Variants in ZNF536 observed in about 807,000 individuals in gnomAD.
ZNF536 encodes zinc finger protein 536.
Under a neutral mutation model 84.5 loss-of-function variants are expected in ZNF536, and 13 were observed. The observed-to-expected ratio is 0.15, with a 90% CI of 0.10 to 0.24. The LOEUF (loss-of-function observed/expected upper bound fraction) is 0.24, where lower values mean the gene tolerates loss of function less well. Ranked by LOEUF, ZNF536 falls within the 10% of genes least tolerant of loss-of-function variation. The probability of loss-of-function intolerance (pLI) is 1.00; values close to 1 mark genes in which losing one functional copy is unlikely to be tolerated. For synonymous variants in ZNF536, 811 were observed against 742.5 expected (o/e 1.09, Z -1.50); for missense variants, 1,536 against 1,747.5 (o/e 0.88, Z 2.16).
intron 2 of ZNF536, among the ~76,000 whole-genome samples, chr19:30,525,161 G>T (rs1337609957): frequency 6.6e-6 from 1 of 152,104 alleles, no homozygotes; most frequent in Non-Finnish European, 1.5e-5. Flanking sequence ...TGTGTTTGTG[G>T]TTCCTTCCAC....
intron 1 of ZNF536, among the ~76,000 whole-genome samples, chr19:30,238,616 C>T (rs566246480): frequency 6.6e-6 from 1 of 151,932 alleles, no homozygotes; most frequent in Admixed American, 6.6e-5. Context: ...CCGTCTTTTC[C>T]TCCCTCCCTC....
At chr19:30,378,436 C>T (rs549735091) in intron 1 of ZNF536, among the ~76,000 whole-genome samples, 10 of 152,304 alleles carry the variant, frequency 6.6e-5, no homozygotes, top group Admixed American at 1.3e-4. Flanking sequence ...AATGGGATTA[C>T]GGATGTGAGC....
At chr19:30,524,880 T>A (rs1177447062) in intron 2 of ZNF536, among the ~76,000 whole-genome samples, 2 of 151,948 alleles carry the variant, frequency 1.3e-5, no homozygotes, top group Non-Finnish European at 2.9e-5. Context: ...AAGAAAGGAG[T>A]ACTTAATTTA....
rs113799478 is a variant in ZNF536, at chr19:30,588,806, T to C, written c.169+39292T>C. On this transcript the variant is annotated intron_variant, in intron 1 of 1. Coordinates refer to the ZNF536 transcript ENST00000592773. ...TGTTGAGTACTCCTGGGCTTCCGTT[T>C]ATGGTTCAGTTATAGAGCTTCCTTT... Among the ~76,000 whole-genome samples the C allele has an allele frequency of 2.4e-3, 369 of 152,354 alleles. 2 individuals carry two copies. Among genetic ancestry groups the C allele is most frequent in the African/African-American group, 8.2e-3 (341 of 41,578 alleles).
Position 30,346,808 on chromosome 19 carries a change from G to A in ZNF536, c.-119-5560G>A, listed in dbSNP as rs552632583. On this transcript the variant is annotated intron_variant, in intron 2 of 5. Coordinates refer to the ZNF536 transcript ENST00000585628. The stretch of plus-strand genomic sequence containing the variant: ...GTAAATAATGCTGCAATGAACATAC[G>A]CATACATGTCTCTCTTTATAACAGA... Among the ~76,000 whole-genome samples, 17 of 152,256 alleles carry A rather than the reference G, an allele frequency of 1.1e-4. No individual in the cohort carries two copies. The South Asian group carries it at 3.1e-3, about 28-fold the overall frequency.
At chr19:30,541,234 G>A (rs1362024504) in intron 3 of ZNF536, among the ~76,000 whole-genome samples, 1 of 152,140 alleles carries the variant, frequency 6.6e-6, no homozygotes, top group Non-Finnish European at 1.5e-5. Flanking sequence ...ATGCTTCTAT[G>A]TAAGGTATCT....
At chr19:30,302,467 T>C (rs2046216866) in intron 2 of ZNF536, among the ~76,000 whole-genome samples, 2 of 152,124 alleles carry the variant, frequency 1.3e-5, no homozygotes, top group African/African-American at 2.4e-5. Context: ...CAGAATCCTA[T>C]AGGATTTGCA....
intron 4 of ZNF536, among the ~76,000 whole-genome samples, chr19:30,553,513 CTG>C (rs755104562): frequency 6.6e-6 from 1 of 152,218 alleles, no homozygotes; most frequent in Non-Finnish European, 1.5e-5. Context: ...AGGCTTTGCA[CTG>C]TGTCCTTTGG....
chr19:30,435,915 T>C (rs1452520855), intron 1 of ZNF536, among the ~76,000 whole-genome samples: 1 of 152,230 alleles, frequency 6.6e-6, no homozygotes, highest in Non-Finnish European at 1.5e-5. Context: ...TGGAAGCTCT[T>C]TGCCTTTGAG....
Position 30,438,188 on chromosome 19 carries a change from C to T in ZNF536, c.-2-5373C>T, listed in dbSNP as rs557700480. 1.3e-3 allele frequency among the ~76,000 whole-genome samples: 194 copies of T among 152,186 alleles called. 1 individual carries two copies. Among genetic ancestry groups the T allele is most frequent in the Non-Finnish European group, 1.8e-3 (124 of 68,020 alleles). On this transcript the variant is annotated intron_variant, in intron 1 of 4. Coordinates refer to ENST00000355537, the MANE Select transcript of ZNF536 (RefSeq NM_014717.3). ...CTGGGGATTGGGCTTATAGTGCACC[C>T]ATCAACCAAATAGCAAACATTGTAC...
intron 3 of ZNF536, among the ~76,000 whole-genome samples, chr19:30,539,096 A>G (rs2045214217): frequency 6.6e-6 from 1 of 151,120 alleles, no homozygotes; most frequent in African/African-American, 2.4e-5. Context: ...AGAAAAGAAA[A>G]AGAAAAGAAA....
chr19:30,565,230 G>A (rs1227924656), intron 1 of ZNF536, among the ~76,000 whole-genome samples: 3 of 150,738 alleles, frequency 2.0e-5, no homozygotes, highest in African/African-American at 7.3e-5. Flanking sequence ...CAGTTAGGAA[G>A]CCAAATCTGG....
At chr19:30,575,129 C>G (rs1421496204) in intron 1 of ZNF536, among the ~76,000 whole-genome samples, 1 of 150,986 alleles carries the variant, frequency 6.6e-6, no homozygotes, top group Non-Finnish European at 1.5e-5. Context: ...TTTATCCATT[C>G]ATTCATTCAT....
chr19:30,688,016 C>CT (rs1271875923), intron 1 of ZNF536, among the ~76,000 whole-genome samples: 1 of 17,284 alleles, frequency 5.8e-5, no homozygotes, highest in Non-Finnish European at 1.0e-4. Flanking sequence ...TTTATGACTG[C>CT]TAAAAAAAAA....
At chr19:30,468,055 G>A (rs945410989) in intron 2 of ZNF536, among the ~76,000 whole-genome samples, 1 of 152,328 alleles carries the variant, frequency 6.6e-6, no homozygotes, top group African/African-American at 2.4e-5. Flanking sequence ...AGGCACCAGC[G>A]CCCCGTGAAA....
intron 1 of ZNF536, among the ~76,000 whole-genome samples, chr19:30,590,525 C>A (rs1405267169): frequency 1.3e-5 from 2 of 152,126 alleles, no homozygotes; most frequent in Admixed American, 1.3e-4. Context: ...TGTGTTTCAC[C>A]CTGTCTCTGT....
intron 1 of ZNF536, among the ~76,000 whole-genome samples, chr19:30,708,320 T>C (rs2052330839): frequency 2.0e-5 from 3 of 152,356 alleles, no homozygotes; most frequent in African/African-American, 7.2e-5. Context: ...ATGGAGACAC[T>C]GCACAGTGAC....
chr19:30,477,732 G>A (rs937284503), intron 2 of ZNF536, among the ~76,000 whole-genome samples: 1 of 152,166 alleles, frequency 6.6e-6, no homozygotes, highest in Non-Finnish European at 1.5e-5. Context: ...GCACAATGAT[G>A]GCAAACTCTT....
intron 1 of ZNF536, among the ~76,000 whole-genome samples, chr19:30,415,394 C>T (rs2147772508): frequency 6.7e-6 from 1 of 149,632 alleles, no homozygotes; most frequent in South Asian, 2.1e-4. Context: ...TTCTTCTTCT[C>T]CTCCTTCTCT....
Sources: allele counts gnomAD v4.1 joint callset (sites outside exome capture counted in the v4.1 genomes callset), GRCh38; gene constraint gnomAD v4.1.1; transcripts MANE v1.5; gene names NCBI Gene and HGNC (gene_info 2026-07-23, HGNC 2026-07-21).